Variants in ELL observed in about 807,000 individuals in gnomAD.
ELL encodes elongation factor for RNA polymerase II, also known as RNA polymerase II elongation factor ELL.
Under a neutral mutation model 64.0 loss-of-function variants are expected in ELL, and 18 were observed. The ratio of observed to expected loss-of-function variants is 0.28; its 90% CI spans 0.19 to 0.42. ELL has a LOEUF of 0.42. ELL is among the 10% of genes least tolerant of loss of function. ELL has a pLI of 1.00. For missense variants in ELL, 797 were observed against 870.4 expected (o/e 0.92, Z 1.06); for synonymous variants, 399 against 376.2 (o/e 1.06, Z -0.70).
intron 2 of ELL, among the ~76,000 whole-genome samples, chr19:18,468,435 T>A (rs1974997711): frequency 6.6e-6 from 1 of 152,170 alleles, no homozygotes; most frequent in Non-Finnish European, 1.5e-5. Context: ...TTCCCAGATG[T>A]GACTTTTATT....
At chr19:18,520,783 G>A (rs1343620837) in intron 1 of ELL, among the ~76,000 whole-genome samples, 1 of 124,256 alleles carries the variant, frequency 8.0e-6, no homozygotes, top group Non-Finnish European at 1.6e-5. Flanking sequence ...CTCTGAGCCC[G>A]AGACTAGACC....
chr19:18,504,473 T>G (rs1345154708), intron 1 of ELL, among the ~76,000 whole-genome samples: 1 of 152,190 alleles, frequency 6.6e-6, no homozygotes, highest in Non-Finnish European at 1.5e-5. Context: ...CCCTGTCACG[T>G]TCATCTCTGC....
chr19:18,505,671 G>C (rs1250424811), intron 1 of ELL, among the ~76,000 whole-genome samples: 1 of 152,194 alleles, frequency 6.6e-6, no homozygotes, highest in Non-Finnish European at 1.5e-5. Context: ...TAAGGCACCA[G>C]GCACACACAG....
intron 6 of ELL, among the ~76,000 whole-genome samples, chr19:18,454,840 C>CAAAAA (rs563546343): frequency 0.13 from 7,518 of 56,060 alleles, 580 homozygotes; most frequent in South Asian, 0.2. Flanking sequence ...GACTCAGTCT[C>CAAAAA]AAAAAAAAAA....
chr19:18,446,779 T>C lies in ELL; in HGVS notation c.1501A>G (p.Thr501Ala). The change falls in exon 9 of 12, where the codon ACG (threonine) becomes GCG (alanine). Residue 501 changes from threonine (T) to alanine (A), a missense_variant. Coordinates refer to ENST00000262809, the MANE Select transcript of ELL (RefSeq NM_006532.4). ...TAGTCAGGCGTCTCCGACGTGGACG[T>C]GGGAACACTGGAAACGCTGCAGGTT... Reference protein sequence around the residue: ...NGTCSVSSVPTSTSETPDYLL... With the variant: ...NGTCSVSSVPASTSETPDYLL... 1.2e-6 allele frequency: 2 copies of C among 1,614,022 alleles called. No individual in the cohort carries two copies. Among genetic ancestry groups the C allele is most frequent in the South Asian group, 1.1e-5 (1 of 91,088 alleles).
intron 6 of ELL, among the ~76,000 whole-genome samples, chr19:18,452,918 CAG>C (rs1000652148): frequency 3.3e-5 from 5 of 152,226 alleles, no homozygotes; most frequent in Non-Finnish European, 5.9e-5. Flanking sequence ...GACCTCAAAA[CAG>C]AGGAACACGA....
intron 1 of ELL, among the ~76,000 whole-genome samples, chr19:18,521,162 C>T (rs1418898132): frequency 6.6e-6 from 1 of 152,022 alleles, no homozygotes; most frequent in Non-Finnish European, 1.5e-5. Flanking sequence ...GGCAGGGATC[C>T]CCTACATGTG....
At chr19:18,469,394 C>A (rs1329376641) in intron 2 of ELL, among the ~76,000 whole-genome samples, 1 of 152,226 alleles carries the variant, frequency 6.6e-6, no homozygotes, top group African/African-American at 2.4e-5. Context: ...GGGAGCAGCC[C>A]AGGAATGCGG....
intron 10 of ELL, 113 bp from the exon 11 acceptor site, chr19:18,445,381 CAAGGACAAGG>C: frequency 9.1e-7 from 1 of 1,100,786 alleles, no homozygotes; most frequent in Non-Finnish European, 1.4e-6. Context: ...GGGGCAGCCT[CAAGGACAAGG>C]CCAAGTAACA....
chr19:18,474,246 C>G (rs1975128841), intron 1 of ELL, among the ~76,000 whole-genome samples: 1 of 152,242 alleles, frequency 6.6e-6, no homozygotes, highest in South Asian at 2.1e-4. Flanking sequence ...CTTTCAGCAC[C>G]TGCTCCATGT....
chr19:18,517,263 C>T lies in ELL; in HGVS notation c.135+4658G>A, dbSNP rs151301340. Among the ~76,000 whole-genome samples, 559 of 152,224 alleles carry T rather than the reference C, an allele frequency of 3.7e-3. 5 individuals carry two copies. Among genetic ancestry groups the T allele is most frequent in the African/African-American group, 0.013 (533 of 41,554 alleles). Reference sequence around the variant, plus strand: ...GCCACCTCACAACCCATGAAGGTTTCGTTTTGTTTTTTGACACAGGGTCTC... The same window carrying T: ...GCCACCTCACAACCCATGAAGGTTTTGTTTTGTTTTTTGACACAGGGTCTC... On this transcript the variant is annotated intron_variant, in intron 1 of 11. Coordinates refer to ENST00000262809, the MANE Select transcript of ELL (RefSeq NM_006532.4).
chr19:18,490,927 G>A (rs1600482720), intron 1 of ELL, among the ~76,000 whole-genome samples: 1 of 152,266 alleles, frequency 6.6e-6, no homozygotes, highest in East Asian at 1.9e-4. Flanking sequence ...CCGGCAGCAG[G>A]TGACATTCTC....
chr19:18,520,420 T>C (rs1422542348), intron 1 of ELL, among the ~76,000 whole-genome samples: 2 of 152,136 alleles, frequency 1.3e-5, no homozygotes, highest in Non-Finnish European at 2.9e-5. Flanking sequence ...CCTCCTCACC[T>C]GCAGGGGCGC....
intron 10 of ELL, among the ~76,000 whole-genome samples, chr19:18,445,723 G>A (rs908029324): frequency 1.3e-5 from 2 of 152,140 alleles, no homozygotes; most frequent in Admixed American, 6.5e-5. Flanking sequence ...CCTGTAGTCA[G>A]GTCACCAGTT....
chr19:18,476,925 G>T (rs1319085885), intron 1 of ELL, among the ~76,000 whole-genome samples: 1 of 152,204 alleles, frequency 6.6e-6, no homozygotes, highest in Non-Finnish European at 1.5e-5. Context: ...GCCCTGTGCG[G>T]ACCATCGGGC....
intron 1 of ELL, among the ~76,000 whole-genome samples, chr19:18,495,083 T>C (rs1349606554): frequency 6.6e-6 from 1 of 152,160 alleles, no homozygotes; most frequent in Admixed American, 6.5e-5. Flanking sequence ...GCCCTGCCCA[T>C]TCAGAGCCCC....
intron 1 of ELL, among the ~76,000 whole-genome samples, chr19:18,495,302 C>T (rs1165372663): frequency 6.6e-6 from 1 of 152,090 alleles, no homozygotes; most frequent in African/African-American, 2.4e-5. Context: ...GGCTCGGGAG[C>T]ATCTGGGGGA....
Position 18,450,799 on chromosome 19 carries a change from G to A in ELL, c.1143C>T (p.Ser381=). 6.3e-7 allele frequency: 1 copy of A among 1,584,382 alleles called. No homozygotes were observed. The highest frequency in any genetic ancestry group is 8.6e-7 in the Non-Finnish European group (1 of 1,165,092). The stretch of plus-strand genomic sequence containing the variant: ...GCTCCAGCCGCGGGGGCAGGTGAGT[G>A]CTGGAGCTGAGGGTGTCCGTGCTGG... ...PPASTDTLSS[S]THLPPRLEPP... The change falls in exon 8 of 12, where the codon AGC becomes AGT. Residue 381 remains serine (S), a synonymous_variant. Transcript: ENST00000262809.
intron 1 of ELL, chr19:18,475,947 AGGAGAGTC>A (rs1975166737): frequency 1.3e-5 from 2 of 152,248 alleles, no homozygotes; most frequent in Admixed American, 1.3e-4. Context: ...GAACAGACGG[AGGAGAGTC>A]CTGTCCGTTA....
Sources: gnomAD v4.1 joint callset for allele counts (sites outside exome capture counted in the v4.1 genomes callset) on GRCh38, gnomAD v4.1.1 for gene constraint, MANE v1.5 for transcripts, NCBI Gene and HGNC (gene_info 2026-07-23, HGNC 2026-07-21) for gene names.